Variants in BRD9 observed in about 807,000 individuals in gnomAD.
BRD9 encodes bromodomain-containing protein 9.
Under a neutral mutation model 68.7 loss-of-function variants are expected in BRD9, and 47 were observed. The ratio of observed to expected loss-of-function variants is 0.68; its 90% confidence interval spans 0.54 to 0.87. BRD9 has a LOEUF of 0.87. Among genes scored for constraint, BRD9 ranks in the 40% least tolerant of loss-of-function variants. BRD9 has a pLI of 0.00. For missense variants in BRD9, 670 were observed against 748.4 expected (o/e 0.90, Z 1.22); for synonymous variants, 313 against 293.9 (o/e 1.06, Z -0.67).
At chr5:884,392 A>T (rs1313872613) in intron 7 of BRD9, among the ~76,000 whole-genome samples, 2 of 152,248 alleles carry the variant, frequency 1.3e-5, no homozygotes, top group Non-Finnish European at 2.9e-5. Context: ...TAGTTATTAA[A>T]GGCCCCATCA....
intron 14 of BRD9, chr5:869,129 A>G (rs767029504): frequency 3.4e-6 from 1 of 295,732 alleles, no homozygotes; most frequent in Non-Finnish European, 6.6e-6. Context: ...TCTGTAAATG[A>G]AAAATAAAAT....
At chr5:880,676 T>C (rs116024922) in intron 9 of BRD9, among the ~76,000 whole-genome samples, 5,745 of 152,188 alleles carry the variant, frequency 0.038, 344 homozygotes, top group African/African-American at 0.13. Context: ...AGGCCTAGTG[T>C]GCACCATCCT....
In BRD9 at chr5:891,287, C is replaced by T. The variant is rs1455500111; in HGVS notation, c.268G>A (p.Glu90Lys). The T allele has an allele frequency of 5.1e-5, 79 of 1,551,102 alleles. No homozygotes were observed. The highest frequency in any genetic ancestry group is 6.7e-5 in the Non-Finnish European group (77 of 1,146,680). ...LDDEERRKRK[E>K]EKKRKREREH... ...CTCTCTCGCTTCCGCTTCTTCTCTTCCTGGGCGGCAGAGTCAAGGGAGTGA... is the reference window on the plus strand; with the variant it reads ...CTCTCTCGCTTCCGCTTCTTCTCTTTCTGGGCGGCAGAGTCAAGGGAGTGA... The change falls in exon 3 of 16, where the codon GAA (glutamate) becomes AAA (lysine). Residue 90 changes from glutamate to lysine, a missense_variant and splice_region_variant. By Grantham distance (56) the Glu-to-Lys change is moderately conservative (BLOSUM62 1). This residue lies in a region of BRD9 where 161 missense variants were observed against 148.1 expected (regional missense o/e 1.09). Coordinates refer to ENST00000467963, the MANE Select transcript of BRD9 (RefSeq NM_023924.5).
intron 14 of BRD9, among the ~76,000 whole-genome samples, chr5:867,403 G>A (rs556306124): frequency 1.4e-4 from 21 of 152,336 alleles, no homozygotes; most frequent in Middle Eastern, 6.8e-3. Flanking sequence ...CTGCCTAGTG[G>A]AGCTGTGAGA....
intron 3 of BRD9, chr5:889,946 A>C (rs1276444615): frequency 2.6e-6 from 1 of 388,364 alleles, no homozygotes; most frequent in Admixed American, 3.5e-5. Flanking sequence ...TCTAGACAAG[A>C]AATGGACGAC....
chr5:886,742 C>T (rs772788109), intron 6 of BRD9, 35 bp from the exon 7 acceptor site: 2 of 1,613,708 alleles, frequency 1.2e-6, no homozygotes, highest in Non-Finnish European at 1.7e-6. Flanking sequence ...AAACGACATG[C>T]TGCGCTTCAA....
At chr5:891,603 G>C in intron 2 of BRD9, 37 bp downstream of exon 2, 1 of 1,545,472 alleles carries the variant, frequency 6.5e-7, no homozygotes, top group Non-Finnish European at 8.7e-7. Context: ...CGGGCTCCTC[G>C]TGGGCAGCGT....
At chr5:886,977 G>T in intron 6 of BRD9, 1 of 542,524 alleles carries the variant, frequency 1.8e-6, no homozygotes, top group Non-Finnish European at 3.3e-6. Flanking sequence ...TCCTACGTGG[G>T]ATGCATGCAG....
At chr5:892,467 C>A (rs1171605188) in intron 1 of BRD9, 139 bp downstream of exon 1, 19 of 1,427,278 alleles carry the variant, frequency 1.3e-5, no homozygotes, top group South Asian at 8.6e-5. Flanking sequence ...AATCCCAGGA[C>A]CCCCTCCCGC....
At chr5:870,154 C>T (rs1263520136) in intron 14 of BRD9, 3 of 277,462 alleles carry the variant, frequency 1.1e-5, no homozygotes, top group African/African-American at 2.2e-5. Flanking sequence ...CTAGGGAACC[C>T]CACCTTTTGG....
intron 11 of BRD9, among the ~76,000 whole-genome samples, chr5:877,708 G>A (rs888616317): frequency 2.0e-5 from 3 of 152,120 alleles, no homozygotes; most frequent in Admixed American, 6.5e-5. Context: ...TGTATCTCCC[G>A]CTCAGAGTTC....
chr5:881,225 C>G (rs772203737), intron 8 of BRD9, 43 bp from the exon 9 acceptor site: 1 of 1,576,212 alleles, frequency 6.3e-7, no homozygotes, highest in South Asian at 1.1e-5. Flanking sequence ...TCAGGAGGGG[C>G]AGCGCAGCAC....
At chr5:865,731 T>C in intron 14 of BRD9, 150 bp from the exon 15 acceptor site, 1 of 800,288 alleles carries the variant, frequency 1.2e-6, no homozygotes, top group Non-Finnish European at 2.0e-6. Flanking sequence ...AGCAGACAGG[T>C]GGACAGGCCT....
chr5:867,315 G>A (rs1386155931), intron 14 of BRD9, among the ~76,000 whole-genome samples: 1 of 152,234 alleles, frequency 6.6e-6, no homozygotes, highest in South Asian at 2.1e-4. Context: ...GCCCTTCATG[G>A]AGAACCTCTG....
At chr5:880,889 C>A (rs568292340) in intron 9 of BRD9, among the ~76,000 whole-genome samples, 135 of 152,360 alleles carry the variant, frequency 8.9e-4, no homozygotes, top group African/African-American at 3.2e-3. Flanking sequence ...TCCCAAGGAG[C>A]CCTGACCGAG....
At chr5:885,533 A>C (rs193025147) in intron 7 of BRD9, among the ~76,000 whole-genome samples, 75 of 152,352 alleles carry the variant, frequency 4.9e-4, no homozygotes, top group African/African-American at 1.8e-3. Context: ...TACCAACTCC[A>C]GACGGTCCCT....
chr5:891,769 G>A lies in BRD9; in HGVS notation c.138C>T (p.Gly46=). 6.4e-7 allele frequency: 1 copy of A among 1,551,632 alleles called. No homozygotes were observed. Among genetic ancestry groups the A allele is most frequent in the Non-Finnish European group, 8.7e-7 (1 of 1,147,002 alleles). Residue 46 remains glycine, a synonymous_variant, in exon 2 of 16, where the codon GGC becomes GGT. Transcript: ENST00000467963. ...TGTCATCATAGTAACTGGAGTCGTG[G>A]CCGGATCCTGAGAGTTCAGTCACTT... is the stretch of plus-strand genomic sequence containing the variant. ...GSEVTELSGS[G]HDSSYYDDRS...
rs765199305 is a variant in BRD9, at chr5:865,421, G to A, written c.1686C>T (p.His562=). The A allele has an allele frequency of 6.3e-7, 1 of 1,580,748 alleles. No homozygotes were observed. Among genetic ancestry groups the A allele is most frequent in the African/African-American group, 1.4e-5 (1 of 73,994 alleles). ...SLSNASERDQ[H]HLGSPSRLSV... is the part of the protein sequence containing the mutation. ...TGGGTGGGGGCATCTCACCCAGGTG[G>A]TGCTGGTCCCTCTCGGAGGCGTTGG... The change falls in exon 15 of 16, where the codon CAC becomes CAT. Residue 562 remains histidine, a synonymous_variant. Transcript: ENST00000467963.
chr5:888,970 T>C, intron 5 of BRD9, 51 bp downstream of exon 5: 2 of 1,563,786 alleles, frequency 1.3e-6, no homozygotes, highest in South Asian at 2.4e-5. Context: ...TCACAAGACA[T>C]GAATACACAG....
Sources: allele counts gnomAD v4.1 joint callset (sites outside exome capture counted in the v4.1 genomes callset), GRCh38; gene constraint gnomAD v4.1.1; regional missense constraint gnomAD v4.1.1; transcripts MANE v1.5; gene names NCBI Gene and HGNC (gene_info 2026-07-23, HGNC 2026-07-21).